SNX30: variants seen among roughly 807,000 people sequenced by gnomAD.
SNX30 encodes the protein sorting nexin-30.
In SNX30, 24 loss-of-function variants were observed where a neutral mutation model predicts 46.4. The ratio of observed to expected loss-of-function variants is 0.52; its 90% CI spans 0.37 to 0.73. SNX30 has a LOEUF of 0.73. SNX30 is among the 30% of genes least tolerant of loss of function. The pLI, the probability that SNX30 is intolerant of heterozygous loss-of-function variation, is 0.00. For missense variants in SNX30, 533 were observed against 555.7 expected, an observed-to-expected ratio of 0.96 and a Z score of 0.41; for synonymous variants, 189 against 211.5, an observed-to-expected ratio of 0.89 and a Z score of 0.92.
At position 112,829,771 on chromosome 9, in the gene SNX30, TTTTG is replaced by T. The variant is rs1479601622; in HGVS notation, c.460-950_460-947del. ...ACCAACACTTGTTTTTTTTTGTTTG[TTTTG>T]TTTTTGTTTTTTTTTAAGATTATGG... On this transcript the variant is annotated intron_variant, in intron 3 of 8. Coordinates refer to ENST00000374232, the MANE Select transcript of SNX30 (RefSeq NM_001012994.2). 5.3e-5 allele frequency among the ~76,000 whole-genome samples: 8 copies of T among 152,196 alleles called. No individual in the cohort carries two copies. In the East Asian group the frequency reaches 1.5e-3, roughly 29 times the overall value.
intron 5 of SNX30, 93 bp from the exon 6 acceptor site, chr9:112,838,405 T>C (rs1235112135): frequency 1.4e-5 from 14 of 1,031,724 alleles, no homozygotes; most frequent in Non-Finnish European, 1.9e-5. Context: ...CACATGTTCA[T>C]GTAGAGAGCT....
chr9:112,817,861 G>A (rs1588126341), intron 3 of SNX30, 46 bp downstream of exon 3: 1 of 1,319,250 alleles, frequency 7.6e-7, no homozygotes, highest in East Asian at 2.3e-5. Flanking sequence ...GTCCTGTGTT[G>A]TCTTTCCTGA....
chr9:112,823,347 T>C (rs1304842105), intron 3 of SNX30, among the ~76,000 whole-genome samples: 1 of 152,224 alleles, frequency 6.6e-6, no homozygotes, highest in African/African-American at 2.4e-5. Context: ...GAACAACTTA[T>C]TTATGTTTTA....
At chr9:112,805,291 G>C (rs561492841) in intron 2 of SNX30, among the ~76,000 whole-genome samples, 4 of 151,790 alleles carry the variant, frequency 2.6e-5, no homozygotes, top group Non-Finnish European at 5.9e-5. Flanking sequence ...ATGAATCATT[G>C]TATCAACCTA....
chr9:112,851,649 A>T (rs1841029513), intron 7 of SNX30, among the ~76,000 whole-genome samples: 1 of 152,222 alleles, frequency 6.6e-6, no homozygotes, highest in Non-Finnish European at 1.5e-5. Flanking sequence ...ATTGTAATGG[A>T]GAAAGAGTAA....
Position 112,838,524 on chromosome 9 carries a change from G to C in SNX30, c.841G>C (p.Gly281Arg). 1.2e-6 allele frequency: 2 copies of C among 1,613,452 alleles called. No homozygotes were observed. The highest frequency in any genetic ancestry group is 1.1e-5 in the South Asian group (1 of 91,002). Reference sequence around the variant, plus strand: ...GTACCTTGTGGAGCTGAGAGAATACGGGCCTGTGTACTCCACATGGAGCGC... The same window carrying C: ...GTACCTTGTGGAGCTGAGAGAATACCGGCCTGTGTACTCCACATGGAGCGC... Reference protein sequence around the residue: ...IEYLVELREYGPVYSTWSALE... With the variant: ...IEYLVELREYRPVYSTWSALE... The change falls in exon 6 of 9, where the codon GGG becomes CGG. Residue 281 changes from glycine (G) to arginine (R), a missense_variant. Physicochemically the swap from Gly to Arg is moderately radical, Grantham distance 125 (BLOSUM62 -2). This residue lies in a region of SNX30 where 261 missense variants were observed against 270.9 expected (regional missense o/e 0.96). Transcript: ENST00000374232.
chr9:112,853,895 T>C (rs1841074943), intron 7 of SNX30, among the ~76,000 whole-genome samples: 1 of 152,268 alleles, frequency 6.6e-6, no homozygotes, highest in African/African-American at 2.4e-5. Flanking sequence ...TGTAATTTTA[T>C]GTGTCAGTTA....
chr9:112,773,492 C>A (rs574620550), intron 1 of SNX30, among the ~76,000 whole-genome samples: 1 of 152,016 alleles, frequency 6.6e-6, no homozygotes, highest in South Asian at 2.1e-4. Context: ...TGGGCTCAAG[C>A]AATCTTCCCA....
At chr9:112,771,550 C>T (rs1218436893) in intron 1 of SNX30, among the ~76,000 whole-genome samples, 2 of 152,164 alleles carry the variant, frequency 1.3e-5, no homozygotes, top group African/African-American at 2.4e-5. Flanking sequence ...ATTGCTGTGT[C>T]AGAAGGGTCC....
Position 112,830,862 on chromosome 9 carries a change from T to A in SNX30, c.597T>A (p.Phe199Leu). ...DHPVLSFNEH[F>L]NIFLTAKDLN... ...CTGTGCTGTCTTTCAATGAACACTT[T>A]AATATTTTCCTTACTGCTAAGGTAA... Residue 199 changes from phenylalanine (F) to leucine (L), a missense_variant, in exon 4 of 9, where the codon TTT becomes TTA. Around this residue, in one of 3 missense-constraint regions of SNX30, gnomAD observed 81 missense variants for 124.4 expected, o/e 0.65. Coordinates refer to ENST00000374232, the MANE Select transcript of SNX30 (RefSeq NM_001012994.2). 6.2e-7 allele frequency: 1 copy of A among 1,611,946 alleles called. No individual in the cohort carries two copies. Among genetic ancestry groups the A allele is most frequent in the East Asian group, 2.2e-5 (1 of 44,850 alleles).
At chr9:112,851,023 T>G in intron 7 of SNX30, 78 bp downstream of exon 7, 1 of 1,142,938 alleles carries the variant, frequency 8.7e-7, no homozygotes, top group Non-Finnish European at 1.3e-6. Context: ...TCTCTAGATC[T>G]GTATGACTAA....
At chr9:112,778,862 G>GCTA (rs1337224021) in intron 1 of SNX30, among the ~76,000 whole-genome samples, 2 of 142,768 alleles carry the variant, frequency 1.4e-5, no homozygotes, top group Non-Finnish European at 3.0e-5. Context: ...TTATGAAAGA[G>GCTA]CTAGGTACAG....
intron 1 of SNX30, among the ~76,000 whole-genome samples, chr9:112,766,186 CT>C (rs1839534465): frequency 6.6e-6 from 1 of 152,140 alleles, no homozygotes; most frequent in African/African-American, 2.4e-5. Flanking sequence ...CTTATTCATC[CT>C]GTCATGGAAA....
intron 8 of SNX30, among the ~76,000 whole-genome samples, chr9:112,866,944 A>T (rs1178414093): frequency 7.0e-6 from 1 of 142,162 alleles, no homozygotes; most frequent in Non-Finnish European, 1.5e-5. Context: ...CCTCCTCAGA[A>T]TTCCTCCTCC....
chr9:112,826,362 T>C (rs1840579441), intron 3 of SNX30, among the ~76,000 whole-genome samples: 1 of 152,062 alleles, frequency 6.6e-6, no homozygotes. Context: ...TGGGATACAG[T>C]GAAGTCGAGA....
At chr9:112,823,656 C>T (rs1840539048) in intron 3 of SNX30, among the ~76,000 whole-genome samples, 1 of 152,024 alleles carries the variant, frequency 6.6e-6, no homozygotes, top group South Asian at 2.1e-4. Flanking sequence ...TGTATTATGT[C>T]CAAGTTTTCT....
chr9:112,754,159 C>T (rs2131342750), intron 1 of SNX30, among the ~76,000 whole-genome samples: 1 of 152,300 alleles, frequency 6.6e-6, no homozygotes, highest in East Asian at 1.9e-4. Flanking sequence ...GAATTGCTTT[C>T]TGAGGGCCCA....
intron 1 of SNX30, among the ~76,000 whole-genome samples, chr9:112,791,567 A>G (rs924045821): frequency 1.9e-4 from 29 of 151,804 alleles, no homozygotes; most frequent in Admixed American, 1.9e-3. Flanking sequence ...GTGTGCCACC[A>G]CGCCCAGCTA....
rs1010254846 is a variant in SNX30 at position 112,836,149 on chromosome 9, G to A, written c.619-65G>A. The A allele has an allele frequency of 4.9e-6, 7 of 1,434,646 alleles. No homozygotes were observed. The Admixed American group carries it at 8.7e-5, about 18-fold the overall frequency. 88.9% of individuals were successfully genotyped at this position (1,434,646 alleles called of 1,614,324 possible). A position where few individuals can be genotyped will look rare whatever the true frequency, so the allele number is the denominator to read the frequency against. On this transcript the variant is annotated intron_variant, in intron 4 of 8. Coordinates refer to ENST00000374232, the MANE Select transcript of SNX30 (RefSeq NM_001012994.2). ...CAAACTGAAGCTGCTTTTAGAAGCTGTTTTATTTAGTCCTGCCCATGTGAG... is the reference window on the plus strand; with the variant it reads ...CAAACTGAAGCTGCTTTTAGAAGCTATTTTATTTAGTCCTGCCCATGTGAG...
Sources: allele counts gnomAD v4.1 joint callset (sites outside exome capture counted in the v4.1 genomes callset), GRCh38; gene constraint gnomAD v4.1.1; regional missense constraint gnomAD v4.1.1; transcripts MANE v1.5; gene names NCBI Gene and HGNC (gene_info 2026-07-23, HGNC 2026-07-21).